Variants in SLC71A1 observed in about 807,000 individuals in gnomAD.
The protein encoded by SLC71A1 is solute carrier family 71 member 1.
chr1:100,076,517 A>G, the SLC71A1 span, among the ~76,000 whole-genome samples: 1 of 152,232 alleles, frequency 6.6e-6, no homozygotes, highest in Non-Finnish European at 1.5e-5. Context: ...ATCTCATTTA[A>G]TTCCCATGAC....
chr1:100,038,943 C>A, the SLC71A1 span, among the ~76,000 whole-genome samples: 1 of 152,320 alleles, frequency 6.6e-6, no homozygotes, highest in East Asian at 1.9e-4. Context: ...GGCCTACATT[C>A]GAACCTGCTA....
the SLC71A1 span, among the ~76,000 whole-genome samples, chr1:100,066,993 A>AC: frequency 2.0e-5 from 3 of 149,942 alleles, no homozygotes; most frequent in African/African-American, 4.9e-5. Flanking sequence ...CGTCTCAAAA[A>AC]AAAAAAAAAA....
chr1:100,047,687 G>C, the SLC71A1 span, among the ~76,000 whole-genome samples: 1 of 152,196 alleles, frequency 6.6e-6, no homozygotes, highest in African/African-American at 2.4e-5. Context: ...CTCCCAAAGT[G>C]CTGGAATTAC....
chr1:100,044,908 C>T, the SLC71A1 span, among the ~76,000 whole-genome samples: 1 of 152,126 alleles, frequency 6.6e-6, no homozygotes, highest in East Asian at 1.9e-4. Flanking sequence ...TAACTGTAGC[C>T]TTTTGTATAA....
At chr1:100,058,468 T>A in the SLC71A1 span, among the ~76,000 whole-genome samples, 3 of 152,184 alleles carry the variant, frequency 2.0e-5, no homozygotes, top group Admixed American at 2.0e-4. Context: ...ATATGTAAAG[T>A]GCCCAATGTA....
chr1:100,063,077 T>G, the SLC71A1 span, among the ~76,000 whole-genome samples: 1 of 152,186 alleles, frequency 6.6e-6, no homozygotes, highest in African/African-American at 2.4e-5. Context: ...TTTATGAGTA[T>G]AGTTCAGTGA....
chr1:100,058,682 T>C, the SLC71A1 span: 1 of 1,573,690 alleles, frequency 6.4e-7, no homozygotes, highest in Non-Finnish European at 8.7e-7. Flanking sequence ...CATGAAACCT[T>C]TCCTAAACAT....
the SLC71A1 span, among the ~76,000 whole-genome samples, chr1:100,062,830 C>G: frequency 6.7e-6 from 1 of 148,742 alleles, no homozygotes; most frequent in Non-Finnish European, 1.5e-5. Context: ...AATCTCAGCA[C>G]TTTGGGAGGT....
the SLC71A1 span, among the ~76,000 whole-genome samples, chr1:100,052,359 G>T: frequency 6.6e-6 from 1 of 151,616 alleles, no homozygotes; most frequent in African/African-American, 2.4e-5. Context: ...GAACAAGGAA[G>T]GAGTCCCCTT....
chr1:100,065,696 CCTTTTCCCT>C, the SLC71A1 span, among the ~76,000 whole-genome samples: 750 of 95,998 alleles, frequency 7.8e-3, 8 homozygotes, highest in African/African-American at 0.047. Flanking sequence ...TTTCCTTAAG[CCTTTTCCCT>C]AAGCCTTTTC....
chr1:100,064,409 G>T, the SLC71A1 span, among the ~76,000 whole-genome samples: 1 of 152,062 alleles, frequency 6.6e-6, no homozygotes, highest in African/African-American at 2.4e-5. Context: ...GATTATAGGC[G>T]TGAGCCATGG....
At chr1:100,066,681 A>G in the SLC71A1 span, among the ~76,000 whole-genome samples, 24 of 152,238 alleles carry the variant, frequency 1.6e-4, no homozygotes, top group African/African-American at 5.5e-4. Flanking sequence ...ACCCTTCCTC[A>G]ACTAAAAGAG....
the SLC71A1 span, among the ~76,000 whole-genome samples, chr1:100,040,284 A>G: frequency 6.6e-6 from 1 of 151,654 alleles, no homozygotes; most frequent in Admixed American, 6.5e-5. Flanking sequence ...CTTATACGTA[A>G]TCAGAGGATA....
At chr1:100,059,144 G>GTGTTTTTTTTTTTTTTTTTTTTT in the SLC71A1 span, among the ~76,000 whole-genome samples, 1 of 75,416 alleles carries the variant, frequency 1.3e-5, no homozygotes, top group African/African-American at 5.9e-5. Flanking sequence ...TCTTTTTCGT[G>GTGTTTTTTTTTTTTTTTTTTTTT]TTTTTTTTTT....
the SLC71A1 span, among the ~76,000 whole-genome samples, chr1:100,039,311 C>G: frequency 6.6e-6 from 1 of 152,130 alleles, no homozygotes; most frequent in Non-Finnish European, 1.5e-5. Context: ...CTGTTTATAT[C>G]TTATTGGAGC....
the SLC71A1 span, chr1:100,058,746 T>TATATACAC: frequency 7.8e-7 from 1 of 1,275,972 alleles, no homozygotes; most frequent in Non-Finnish European, 1.1e-6. Context: ...CAGTCATACA[T>TATATACAC]ATATATGTGT....
At chr1:100,053,068 G>A in the SLC71A1 span, among the ~76,000 whole-genome samples, 1 of 152,222 alleles carries the variant, frequency 6.6e-6, no homozygotes, top group Non-Finnish European at 1.5e-5. Context: ...ACAGGCATAA[G>A]CCACCATGCC....
the SLC71A1 span, among the ~76,000 whole-genome samples, chr1:100,040,737 G>A: frequency 6.6e-6 from 1 of 152,184 alleles, no homozygotes; most frequent in Non-Finnish European, 1.5e-5. Context: ...AGGGATTACA[G>A]GTGTGAGCCA....
chr1:100,068,419 G>A, the SLC71A1 span: 5 of 1,222,190 alleles, frequency 4.1e-6, no homozygotes, highest in East Asian at 1.2e-4. Context: ...CTTAAGAATA[G>A]TTCAGTGGTT....
Sources: gnomAD v4.1 joint callset for allele counts (sites outside exome capture counted in the v4.1 genomes callset) on GRCh38, gnomAD v4.1.1 for gene constraint, MANE v1.5 for transcripts, NCBI Gene and HGNC (gene_info 2026-07-23, HGNC 2026-07-21) for gene names.